HNRNPA1L2: variants seen among roughly 807,000 people sequenced by gnomAD.
HNRNPA1L2 encodes the protein heterogeneous nuclear ribonucleoprotein A1 like 2, also known as heterogeneous nuclear ribonucleoprotein A1-like 2.
Under a neutral mutation model 18.2 loss-of-function variants are expected in HNRNPA1L2, and 10 were observed. The observed-to-expected ratio is 0.55, with a 90% CI of 0.34 to 0.93. HNRNPA1L2 has a LOEUF of 0.93. HNRNPA1L2 is among the 40% of genes least tolerant of loss of function. The pLI is 0.02. For missense variants in HNRNPA1L2, 308 were observed against 394.4 expected (o/e 0.78, Z 1.85); for synonymous variants, 124 against 138.6 (o/e 0.89, Z 0.74).
At chr13:52,619,457 C>T in the HNRNPA1L2 span, among the ~76,000 whole-genome samples, 2 of 152,216 alleles carry the variant, frequency 1.3e-5, no homozygotes, top group South Asian at 4.2e-4. Context: ...GGACTACAAG[C>T]GTACGTTACC....
the HNRNPA1L2 span, among the ~76,000 whole-genome samples, chr13:52,633,076 A>T: frequency 6.6e-6 from 1 of 152,180 alleles, no homozygotes; most frequent in Non-Finnish European, 1.5e-5. Context: ...AGATAATGGG[A>T]GGTGAGTACT....
At chr13:52,623,796 A>C in the HNRNPA1L2 span, among the ~76,000 whole-genome samples, 1 of 152,188 alleles carries the variant, frequency 6.6e-6, no homozygotes, top group Non-Finnish European at 1.5e-5. Flanking sequence ...AGTGGCATAA[A>C]ACATTCACTC....
the HNRNPA1L2 span, among the ~76,000 whole-genome samples, chr13:52,625,622 C>T: frequency 1.3e-5 from 2 of 152,154 alleles, no homozygotes; most frequent in African/African-American, 4.8e-5. Flanking sequence ...CACCTATGTT[C>T]TGTGCCTACT....
At chr13:52,632,553 T>G in the HNRNPA1L2 span, 29 of 153,318 alleles carry the variant, frequency 1.9e-4, no homozygotes, top group Admixed American at 1.9e-3. Context: ...CAAGATGTCC[T>G]TAGTGTTCTG....
chr13:52,642,938 C>G lies in HNRNPA1L2; in HGVS notation c.446C>G (p.Ala149Gly), dbSNP rs1157743286. Residue 149 changes from alanine (A) to glycine (G), a missense_variant, in exon 1 of 1, where the codon GCC becomes GGC. Physicochemically the swap from Ala to Gly is moderately conservative, Grantham distance 60. Transcript: ENST00000357495. Reference sequence around the variant, plus strand: ...GGCAGTGGCAAGAAAAGGGGCTTTGCCTTTGTAACCTTTGACGACCATGAC... The same window carrying G: ...GGCAGTGGCAAGAAAAGGGGCTTTGGCTTTGTAACCTTTGACGACCATGAC... ...DRGSGKKRGFAFVTFDDHDSV... is the reference protein window; with the variant it reads ...DRGSGKKRGFGFVTFDDHDSV... The G allele has an allele frequency of 6.3e-7, 1 of 1,597,026 alleles. No homozygotes were observed. The highest frequency in any genetic ancestry group is 8.5e-7 in the Non-Finnish European group (1 of 1,179,768).
chr13:52,641,697 G>GT (rs146063300), upstream of HNRNPA1L2: 640 of 152,244 alleles, frequency 4.2e-3, 8 homozygotes, highest in African/African-American at 0.015. Flanking sequence ...GCCTTCAGTG[G>GT]TTTTTTAAAT....
the HNRNPA1L2 span, chr13:52,617,677 T>G: frequency 2.2e-6 from 1 of 452,730 alleles, no homozygotes; most frequent in Non-Finnish European, 4.0e-6. Flanking sequence ...GGCGTGGAAC[T>G]GTCAGGTACC....
At chr13:52,638,008 A>G (rs1017326372), upstream of HNRNPA1L2, among the ~76,000 whole-genome samples, 1 of 152,210 alleles carries the variant, frequency 6.6e-6, no homozygotes, top group African/African-American at 2.4e-5. Context: ...TTATACAAAA[A>G]CAAGCAAACA....
the HNRNPA1L2 span, among the ~76,000 whole-genome samples, chr13:52,620,566 C>T: frequency 6.6e-6 from 1 of 152,182 alleles, no homozygotes; most frequent in South Asian, 2.1e-4. Flanking sequence ...GCTACTGAAT[C>T]AGAGTAGTTT....
the HNRNPA1L2 span, among the ~76,000 whole-genome samples, chr13:52,630,846 T>C: frequency 6.6e-6 from 1 of 152,138 alleles, no homozygotes; most frequent in Non-Finnish European, 1.5e-5. Context: ...GTTCTTGGAG[T>C]TTTACTTAAG....
In HNRNPA1L2 at chr13:52,643,038, A is replaced by G. The variant is rs1409745250; in HGVS notation, c.546A>G (p.Pro182=). ...GHNCEVRKAL[P]KQEMASASSS... is the part of the protein sequence containing the mutation. ...ACTGTGAAGTTAGAAAAGCCCTGCC[A>G]AAGCAAGAGATGGCTAGTGCTTCAT... Residue 182 remains proline (P), a synonymous_variant, in exon 1 of 1, where the codon CCA becomes CCG. Transcript: ENST00000357495. 6.3e-7 allele frequency: 1 copy of G among 1,597,662 alleles called. No individual in the cohort carries two copies. Among genetic ancestry groups the G allele is most frequent in the South Asian group, 1.1e-5 (1 of 90,988 alleles).
At chr13:52,642,194 G>C (rs1272575605), upstream of HNRNPA1L2, 3 of 414,464 alleles carry the variant, frequency 7.2e-6, no homozygotes, top group Non-Finnish European at 1.3e-5. Context: ...AACAATGTGG[G>C]ATGTGGGATT....
At chr13:52,618,563 G>A in the HNRNPA1L2 span, among the ~76,000 whole-genome samples, 1 of 152,214 alleles carries the variant, frequency 6.6e-6, no homozygotes, top group Non-Finnish European at 1.5e-5. Flanking sequence ...GGTGGTCAGA[G>A]ATAGCAAAGA....
At chr13:52,631,217 G>A in the HNRNPA1L2 span, among the ~76,000 whole-genome samples, 2 of 152,276 alleles carry the variant, frequency 1.3e-5, no homozygotes, top group East Asian at 1.9e-4. Flanking sequence ...CAGAATGTTG[G>A]CACTGCCACT....
the HNRNPA1L2 span, among the ~76,000 whole-genome samples, chr13:52,629,893 A>G: frequency 0.075 from 11,441 of 152,100 alleles, 571 homozygotes; most frequent in African/African-American, 0.14. Flanking sequence ...TTCAAGACCA[A>G]CCTGGCTAAC....
chr13:52,638,544 A>C (rs1961536170), upstream of HNRNPA1L2, among the ~76,000 whole-genome samples: 1 of 152,212 alleles, frequency 6.6e-6, no homozygotes, highest in African/African-American at 2.4e-5. Flanking sequence ...TTCTTGTCTT[A>C]CCACTATTCT....
the HNRNPA1L2 span, among the ~76,000 whole-genome samples, chr13:52,620,891 T>A: frequency 3.5e-4 from 52 of 149,742 alleles, no homozygotes; most frequent in African/African-American, 9.8e-4. Flanking sequence ...AAAAAAAAAA[T>A]AATTTCTATA....
At chr13:52,632,187 A>C in the HNRNPA1L2 span, among the ~76,000 whole-genome samples, 1 of 152,188 alleles carries the variant, frequency 6.6e-6, no homozygotes, top group Non-Finnish European at 1.5e-5. Context: ...TAATCTTTTC[A>C]GTTGGATATT....
chr13:52,633,624 C>A, the HNRNPA1L2 span, among the ~76,000 whole-genome samples: 1 of 151,976 alleles, frequency 6.6e-6, no homozygotes, highest in Non-Finnish European at 1.5e-5. Context: ...CCAGCCTGGG[C>A]AACATAGTGA....
Sources: allele counts gnomAD v4.1 joint callset (sites outside exome capture counted in the v4.1 genomes callset), GRCh38; gene constraint gnomAD v4.1.1; transcripts MANE v1.5; gene names NCBI Gene and HGNC (gene_info 2026-07-23, HGNC 2026-07-21).